ZC3H12B: variants seen among roughly 807,000 people sequenced by gnomAD.
ZC3H12B encodes the protein probable ribonuclease ZC3H12B.
ZC3H12B carries 7 observed loss-of-function variants against 43.9 expected under a neutral mutation model. That is an observed-to-expected ratio of 0.16 (90% CI 0.09 to 0.30). The LOEUF is 0.30. Ranked by LOEUF, ZC3H12B falls within the 10% of genes least tolerant of loss-of-function variation. The pLI is 1.00. For synonymous variants in ZC3H12B, 222 were observed against 241.7 expected (o/e 0.92, Z 0.76); for missense variants, 475 against 670.2 (o/e 0.71, Z 3.22).
At chrX:65,414,878 A>G (rs1344194380) in intron 3 of ZC3H12B, among the ~76,000 whole-genome samples, 1 of 112,289 alleles carries the variant, frequency 8.9e-6, no homozygotes, top group Non-Finnish European at 1.9e-5. Flanking sequence ...TGATTTGTTG[A>G]CAAAGAGTCA....
the ZC3H12B span, among the ~76,000 whole-genome samples, chrX:65,290,898 T>C: frequency 9.0e-6 from 1 of 110,737 alleles, no homozygotes; most frequent in Non-Finnish European, 1.9e-5. Flanking sequence ...TGTTAAAGGG[T>C]ACAAACATAA....
the ZC3H12B span, among the ~76,000 whole-genome samples, chrX:65,242,555 C>A: frequency 8.9e-6 from 1 of 111,790 alleles, no homozygotes; most frequent in African/African-American, 3.3e-5. Context: ...ATGTCCATAC[C>A]ATCCAAAGTG....
the ZC3H12B span, among the ~76,000 whole-genome samples, chrX:65,120,268 G>C: frequency 9.0e-5 from 10 of 111,525 alleles, no homozygotes; most frequent in Admixed American, 4.8e-4. Context: ...ATTGATTCTT[G>C]CTATCCATGA....
At chrX:65,269,545 G>A in the ZC3H12B span, among the ~76,000 whole-genome samples, 1 of 110,340 alleles carries the variant, frequency 9.1e-6, no homozygotes, top group African/African-American at 3.3e-5. Context: ...TGTCACTCAG[G>A]CTGGAGTGCA....
chrX:65,363,041 C>T (rs181700571), upstream of ZC3H12B, among the ~76,000 whole-genome samples: 306 of 111,572 alleles, frequency 2.7e-3, no homozygotes, highest in African/African-American at 9.1e-3. Flanking sequence ...GACCCTGACA[C>T]CCATCAGTCC....
chrX:65,345,416 G>T, the ZC3H12B span, among the ~76,000 whole-genome samples: 4 of 111,685 alleles, frequency 3.6e-5, no homozygotes, highest in African/African-American at 1.3e-4. Context: ...TGGAGTTGGG[G>T]TCCATTATTT....
chrX:65,227,492 C>A, the ZC3H12B span, among the ~76,000 whole-genome samples: 1 of 110,363 alleles, frequency 9.1e-6, no homozygotes, highest in Non-Finnish European at 1.9e-5. Flanking sequence ...CAAGAGCAAA[C>A]ACATTCAAAA....
chrX:65,289,196 A>G, the ZC3H12B span, among the ~76,000 whole-genome samples: 6 of 111,290 alleles, frequency 5.4e-5, no homozygotes, highest in African/African-American at 2.0e-4. Context: ...ATGTAATCCC[A>G]ATCAAAATAA....
At chrX:65,134,183 G>A in the ZC3H12B span, among the ~76,000 whole-genome samples, 2 of 110,748 alleles carry the variant, frequency 1.8e-5, no homozygotes, top group South Asian at 3.9e-4. Context: ...AGAGAGGGTA[G>A]AGACACAGAG....
At chrX:65,133,535 G>A in the ZC3H12B span, among the ~76,000 whole-genome samples, 1 of 111,538 alleles carries the variant, frequency 9.0e-6, no homozygotes, top group Non-Finnish European at 1.9e-5. Context: ...AAGGGACATC[G>A]ACCTTGGCTA....
chrX:65,128,591 G>A, the ZC3H12B span, among the ~76,000 whole-genome samples: 1 of 111,807 alleles, frequency 8.9e-6, no homozygotes, highest in Non-Finnish European at 1.9e-5. Context: ...TAGTGTTCTT[G>A]CATTCTTCTA....
chrX:65,452,841 A>AACACACACAC lies in ZC3H12B; in HGVS notation n.408-35776_408-35767dup, dbSNP rs111853414. ...GGGCAACAGAGTGAGACTCCATCTA[A>AACACACACAC]ACACACACACACACACACACACACA... On this transcript the variant is annotated intron_variant and non_coding_transcript_variant, in intron 3 of 5. Transcript: ENST00000617377. 4.8e-3 allele frequency among the ~76,000 whole-genome samples: 443 copies of AACACACACAC among 92,242 alleles called. 6 individuals are homozygous for AACACACACAC. The highest frequency in any genetic ancestry group is 0.018 in the African/African-American group (423 of 23,914). The allele number at this position is 92,242 out of a possible 115,157, so 80.1% of individuals were successfully genotyped here.
the ZC3H12B span, among the ~76,000 whole-genome samples, chrX:65,120,701 G>A: frequency 9.0e-6 from 1 of 111,441 alleles, no homozygotes; most frequent in Non-Finnish European, 1.9e-5. Context: ...TAGGAGTGGT[G>A]ACAGAGGGCA....
At chrX:65,263,453 G>T in the ZC3H12B span, among the ~76,000 whole-genome samples, 1 of 110,562 alleles carries the variant, frequency 9.0e-6, no homozygotes, top group African/African-American at 3.3e-5. Context: ...CATGAAAAAA[G>T]TCTTCAAATT....
the ZC3H12B span, among the ~76,000 whole-genome samples, chrX:65,041,962 A>G: frequency 5.4e-5 from 6 of 111,943 alleles, no homozygotes; most frequent in African/African-American, 1.9e-4. Flanking sequence ...AAAGACTTGA[A>G]CTAGGGTGAA....
chrX:65,246,901 C>T, the ZC3H12B span, among the ~76,000 whole-genome samples: 1 of 112,334 alleles, frequency 8.9e-6, no homozygotes, highest in African/African-American at 3.2e-5. Context: ...CAAAAATTGA[C>T]AAATGGGACC....
the ZC3H12B span, among the ~76,000 whole-genome samples, chrX:65,225,853 C>T: frequency 2.7e-5 from 3 of 111,937 alleles, no homozygotes; most frequent in Admixed American, 1.9e-4. Flanking sequence ...CGAACAAAGC[C>T]TCCAAGAAAT....
chrX:65,174,011 C>A, the ZC3H12B span, among the ~76,000 whole-genome samples: 2 of 111,714 alleles, frequency 1.8e-5, no homozygotes, highest in Middle Eastern at 4.7e-3. Flanking sequence ...TTCTGCATGT[C>A]TGCTGCAGTT....
chrX:65,282,073 A>G, the ZC3H12B span, among the ~76,000 whole-genome samples: 4 of 112,188 alleles, frequency 3.6e-5, no homozygotes, highest in Middle Eastern at 4.6e-3. Flanking sequence ...TAAAAAAAGA[A>G]AAACTGTTAA....
Sources: gnomAD v4.1 joint callset for allele counts (sites outside exome capture counted in the v4.1 genomes callset) on GRCh38, gnomAD v4.1.1 for gene constraint, MANE v1.5 for transcripts, NCBI Gene and HGNC (gene_info 2026-07-23, HGNC 2026-07-21) for gene names.